Variants in RGS9 observed in about 807,000 individuals in gnomAD.
The protein encoded by RGS9 is regulator of G-protein signalling 9.
Under a neutral mutation model 102.0 loss-of-function variants are expected in RGS9, and 78 were observed. That is an observed-to-expected ratio of 0.76 (90% confidence interval 0.64 to 0.92). The LOEUF (loss-of-function observed/expected upper bound fraction) is 0.92, where lower values mean the gene tolerates loss of function less well. RGS9 is among the 40% of genes least tolerant of loss of function. RGS9 has a pLI of 0.00. For synonymous variants in RGS9, 353 were observed against 318.6 expected (o/e 1.11, Z -1.15); for missense variants, 833 against 866.1 (o/e 0.96, Z 0.48).
Position 65,141,052 on chromosome 17 carries a change from C to T in RGS9, c.57+3455C>T, listed in dbSNP as rs139331260. Among the ~76,000 whole-genome samples the T allele has an allele frequency of 2.2e-4, 33 of 152,272 alleles. No individual in the cohort carries two copies. In the East Asian group the frequency reaches 3.1e-3, roughly 14 times the overall value. ...GAGAGCCATACTGGTCAGAAAGGAC[C>T]GTGTGCGATTCCCGAGGTTCTCACA... is the stretch of plus-strand genomic sequence containing the variant. On this transcript the variant is annotated intron_variant, in intron 1 of 18. Transcript: ENST00000262406.
chr17:65,178,746 C>A (rs1430895292), intron 9 of RGS9, among the ~76,000 whole-genome samples: 1 of 152,206 alleles, frequency 6.6e-6, no homozygotes, highest in Non-Finnish European at 1.5e-5. Context: ...CTCAAGCAGT[C>A]CTCCTGCCTT....
chr17:65,166,961 G>C (rs570175353), intron 7 of RGS9, among the ~76,000 whole-genome samples: 35 of 152,344 alleles, frequency 2.3e-4, no homozygotes, highest in African/African-American at 8.2e-4. Context: ...CGTTAACGGG[G>C]AGATGAATTC....
At chr17:65,187,606 CA>C in intron 9 of RGS9, among the ~76,000 whole-genome samples, 1 of 152,274 alleles carries the variant, frequency 6.6e-6, no homozygotes, top group East Asian at 1.9e-4. Flanking sequence ...CTGACTGCCT[CA>C]AAGGAAGTAG....
At chr17:65,204,044 A>T (rs1190852883) in intron 14 of RGS9, 119 bp from the exon 15 acceptor site, 2 of 1,226,566 alleles carry the variant, frequency 1.6e-6, no homozygotes, top group African/African-American at 1.5e-5. Flanking sequence ...TCCTAAAAAA[A>T]CCACCACCCT....
intron 17 of RGS9, 115 bp downstream of exon 17, chr17:65,210,720 G>A (rs1055265770): frequency 3.8e-5 from 58 of 1,539,368 alleles, no homozygotes; most frequent in Non-Finnish European, 4.6e-5. Context: ...AAGAAGGGTA[G>A]GGTCAGAGTC....
intron 11 of RGS9, among the ~76,000 whole-genome samples, chr17:65,191,376 T>TTTG (rs1026103059): frequency 6.6e-6 from 1 of 152,012 alleles, no homozygotes; most frequent in African/African-American, 2.4e-5. Flanking sequence ...AGTTTTTTTT[T>TTTG]TTGTTGTTGT....
At chr17:65,165,751 A>C (rs1911154610) in intron 7 of RGS9, among the ~76,000 whole-genome samples, 1 of 152,154 alleles carries the variant, frequency 6.6e-6, no homozygotes, top group Non-Finnish European at 1.5e-5. Flanking sequence ...TTTGAAACAC[A>C]GATAAGATCA....
chr17:65,212,682 C>A (rs552801523), intron 17 of RGS9, among the ~76,000 whole-genome samples: 21 of 152,290 alleles, frequency 1.4e-4, no homozygotes, highest in Non-Finnish European at 2.5e-4. Flanking sequence ...TTCATGTTAG[C>A]AAAATGATTC....
intron 14 of RGS9, 84 bp downstream of exon 14, chr17:65,202,164 G>A: frequency 1.1e-6 from 1 of 902,226 alleles, no homozygotes; most frequent in South Asian, 1.3e-5. Context: ...GATAGGATGA[G>A]AGGACAACAG....
chr17:65,148,684 T>G (rs1205316421), intron 1 of RGS9, among the ~76,000 whole-genome samples: 2 of 152,108 alleles, frequency 1.3e-5, no homozygotes, highest in African/African-American at 2.4e-5. Context: ...TGGGATCATC[T>G]CAGCCAGTCT....
intron 13 of RGS9, among the ~76,000 whole-genome samples, chr17:65,199,080 G>A (rs1912714576): frequency 6.6e-6 from 1 of 152,114 alleles, no homozygotes; most frequent in South Asian, 2.1e-4. Context: ...AGATTCCTGA[G>A]GCTTTAGGTA....
intron 13 of RGS9, among the ~76,000 whole-genome samples, chr17:65,200,476 A>G (rs1443343379): frequency 6.6e-6 from 1 of 152,224 alleles, no homozygotes. Context: ...TTACTAAGCA[A>G]TCAACTGTCT....
Position 65,205,762 on chromosome 17 carries a change from C to T in RGS9, c.1203+1461C>T, listed in dbSNP as rs571237868. Among the ~76,000 whole-genome samples, 3 of 150,204 alleles carry T rather than the reference C, an allele frequency of 2.0e-5. No homozygotes were observed. In the East Asian group the frequency reaches 5.9e-4, roughly 29 times the overall value. ...CATGTGATATAGGTTATATGATATA[C>T]ATTATATGATATAGGTTATGTGATA... On this transcript the variant is annotated intron_variant, in intron 15 of 18. Coordinates refer to ENST00000262406, the MANE Select transcript of RGS9 (RefSeq NM_003835.4).
chr17:65,141,493 A>C (rs781071723), intron 1 of RGS9, among the ~76,000 whole-genome samples: 8 of 152,216 alleles, frequency 5.3e-5, no homozygotes, highest in Non-Finnish European at 1.2e-4. Context: ...AATATTGAGG[A>C]TATCCAGGCC....
chr17:65,195,536 AC>A lies in RGS9; in HGVS notation c.861-1586del, dbSNP rs1912551231. Among the ~76,000 whole-genome samples, 5 of 151,340 alleles carry A rather than the reference AC, an allele frequency of 3.3e-5. No individual in the cohort carries two copies. In the South Asian group the frequency reaches 1.1e-3, roughly 32 times the overall value. On this transcript the variant is annotated intron_variant, in intron 12 of 18. Transcript: ENST00000262406. Reference sequence around the variant, plus strand: ...CTATCAACTGTGCCGCGTACACTGAACCCCGTTTTTAGTCTTATATCCCTCA... The same window carrying A: ...CTATCAACTGTGCCGCGTACACTGAACCCGTTTTTAGTCTTATATCCCTCA...
chr17:65,175,742 T>TC (rs1365849611), intron 8 of RGS9, among the ~76,000 whole-genome samples: 1 of 152,178 alleles, frequency 6.6e-6, no homozygotes, highest in East Asian at 1.9e-4. Flanking sequence ...TCCTTTCTCT[T>TC]CCCTGTGTCG....
chr17:65,160,863 C>A lies in RGS9; in HGVS notation c.377C>A (p.Ala126Asp). The change falls in exon 6 of 19, where the codon GCC becomes GAC. Residue 126 changes from alanine to aspartate, a missense_variant. Ala to Asp is a moderately radical substitution (Grantham distance 126). This residue lies in a region of RGS9 where 328 missense variants were observed against 340.6 expected (regional missense o/e 0.96). Transcript: ENST00000262406. ...AEDTDYAIYL[A>D]KRNIKKKGIL... ...CTTTCTTTTCCAGCCATCTATCTGG[C>A]CAAGCGAAATATCAAAAAGAAAGGG... is the stretch of plus-strand genomic sequence containing the variant. 1 of 1,613,906 alleles carries A rather than the reference C, an allele frequency of 6.2e-7. No homozygotes were observed. The highest frequency in any genetic ancestry group is 8.5e-7 in the Non-Finnish European group (1 of 1,179,830).
intron 17 of RGS9, among the ~76,000 whole-genome samples, chr17:65,219,461 A>G (rs749480718): frequency 1.2e-4 from 19 of 152,238 alleles, no homozygotes; most frequent in Non-Finnish European, 1.5e-4. Flanking sequence ...GACAATATTA[A>G]CGATATATTT....
chr17:65,178,620 T>C (rs1422852083), intron 9 of RGS9, among the ~76,000 whole-genome samples: 1 of 152,096 alleles, frequency 6.6e-6, no homozygotes. Flanking sequence ...CCTCCTGCCT[T>C]AGCCACCCAA....
Sources: allele counts gnomAD v4.1 joint callset (sites outside exome capture counted in the v4.1 genomes callset), GRCh38; gene constraint gnomAD v4.1.1; regional missense constraint gnomAD v4.1.1; transcripts MANE v1.5; gene names NCBI Gene and HGNC (gene_info 2026-07-23, HGNC 2026-07-21).